SEZ6L: variants seen among roughly 807,000 people sequenced by gnomAD.
The protein encoded by SEZ6L is seizure related 6 homolog like, also known as seizure 6-like protein.
A neutral mutation model predicts 106.2 loss-of-function variants in SEZ6L; 37 were observed. The ratio of observed to expected loss-of-function variants is 0.35; its 90% CI spans 0.27 to 0.46. The LOEUF (loss-of-function observed/expected upper bound fraction) is 0.46, where lower values mean the gene tolerates loss of function less well. Among genes scored for constraint, SEZ6L ranks in the 20% least tolerant of loss-of-function variants. SEZ6L has a pLI of 1.00. For synonymous variants in SEZ6L, 541 were observed against 570.4 expected, an observed-to-expected ratio of 0.95 and a Z score of 0.73; for missense variants, 1,172 against 1,332.8, an observed-to-expected ratio of 0.88 and a Z score of 1.88.
chr22:26,325,822 A>G (rs1398664777), intron 9 of SEZ6L, among the ~76,000 whole-genome samples: 2 of 152,122 alleles, frequency 1.3e-5, no homozygotes, highest in Non-Finnish European at 2.9e-5. Context: ...GGCTTAGTAC[A>G]TTACACACAC....
intron 9 of SEZ6L, among the ~76,000 whole-genome samples, chr22:26,318,363 T>C (rs902103067): frequency 1.5e-4 from 23 of 151,262 alleles, no homozygotes; most frequent in African/African-American, 5.6e-4. Flanking sequence ...TGTGAGCCAC[T>C]GCCCCGGGCC....
At chr22:26,172,273 CTAT>C (rs2123756729) in intron 1 of SEZ6L, among the ~76,000 whole-genome samples, 1 of 152,264 alleles carries the variant, frequency 6.6e-6, no homozygotes, top group South Asian at 2.1e-4. Context: ...CACTTAAAGA[CTAT>C]TTTCATTATG....
At chr22:26,282,946 A>T (rs1056745348) in intron 1 of SEZ6L, among the ~76,000 whole-genome samples, 3 of 151,794 alleles carry the variant, frequency 2.0e-5, no homozygotes, top group African/African-American at 7.3e-5. Context: ...TTTGAGTTGG[A>T]GTCTCTCCCT....
At chr22:26,300,694 G>C (rs949768733) in intron 5 of SEZ6L, among the ~76,000 whole-genome samples, 2 of 152,182 alleles carry the variant, frequency 1.3e-5, no homozygotes, top group Non-Finnish European at 2.9e-5. Flanking sequence ...TGGGTCAAAT[G>C]GTATTTCTAG....
At chr22:26,202,728 T>A (rs906173526) in intron 1 of SEZ6L, among the ~76,000 whole-genome samples, 20 of 152,284 alleles carry the variant, frequency 1.3e-4, no homozygotes, top group African/African-American at 4.8e-4. Context: ...TGCTATTCAA[T>A]CACAACCACA....
intron 9 of SEZ6L, among the ~76,000 whole-genome samples, chr22:26,323,850 A>G (rs569799560): frequency 6.6e-6 from 1 of 152,244 alleles, no homozygotes; most frequent in Non-Finnish European, 1.5e-5. Context: ...GCCAGTCTTT[A>G]CATGCTTTTT....
intron 1 of SEZ6L, among the ~76,000 whole-genome samples, chr22:26,213,656 G>A (rs2145708269): frequency 6.6e-6 from 1 of 152,314 alleles, no homozygotes; most frequent in East Asian, 1.9e-4. Context: ...AGCTGGACTA[G>A]GCAAAATTCT....
chr22:26,216,017 C>T (rs565922867), intron 1 of SEZ6L, among the ~76,000 whole-genome samples: 24 of 152,280 alleles, frequency 1.6e-4, no homozygotes, highest in East Asian at 1.4e-3. Flanking sequence ...GGTGAAGCCA[C>T]GGAAATTGGA....
intron 11 of SEZ6L, among the ~76,000 whole-genome samples, chr22:26,350,086 C>A (rs968007125): frequency 6.6e-6 from 1 of 151,724 alleles, no homozygotes; most frequent in Non-Finnish European, 1.5e-5. Flanking sequence ...TGCAATGTTT[C>A]CTTTTTAAAA....
chr22:26,356,513 G>T (rs962013007), intron 12 of SEZ6L, among the ~76,000 whole-genome samples: 2 of 151,664 alleles, frequency 1.3e-5, no homozygotes, highest in African/African-American at 4.8e-5. Context: ...GTGGTGGCAC[G>T]TGCCTGTAAT....
chr22:26,291,956 T>A, intron 1 of SEZ6L, among the ~76,000 whole-genome samples: 1 of 143,182 alleles, frequency 7.0e-6, no homozygotes, highest in Non-Finnish European at 1.5e-5. Flanking sequence ...CCTGGCATGA[T>A]CAAGCCCAAG....
chr22:26,206,207 C>T (rs188510542), intron 1 of SEZ6L, among the ~76,000 whole-genome samples: 11 of 152,328 alleles, frequency 7.2e-5, no homozygotes, highest in Non-Finnish European at 1.6e-4. Flanking sequence ...ATAACCTCTT[C>T]ATTCTACTCC....
rs2081267921 is a variant in SEZ6L at position 26,295,242 on chromosome 22, C to T, written c.969+817C>T. ...CAGAGATCATTTGGCCACAGCCCAG[C>T]AGAGAGAGAGGGAGGAGAGAGAGAG... On this transcript the variant is annotated intron_variant, in intron 3 of 16. Transcript: ENST00000248933. Among the ~76,000 whole-genome samples the T allele has an allele frequency of 2.0e-5, 3 of 152,208 alleles. No individual in the cohort carries two copies. The South Asian group carries it at 6.2e-4, about 32-fold the overall frequency.
chr22:26,343,362 G>A (rs1001999392), intron 10 of SEZ6L, among the ~76,000 whole-genome samples: 7 of 151,796 alleles, frequency 4.6e-5, no homozygotes, highest in Non-Finnish European at 8.8e-5. Context: ...TCTATCCAAG[G>A]CTGGTCAAGG....
At chr22:26,330,030 T>G (rs1473532944) in intron 9 of SEZ6L, among the ~76,000 whole-genome samples, 1 of 152,270 alleles carries the variant, frequency 6.6e-6, no homozygotes, top group Non-Finnish European at 1.5e-5. Flanking sequence ...GGAAAGTCAC[T>G]TAATTCCTCT....
chr22:26,271,737 C>A (rs2145839984), intron 1 of SEZ6L, among the ~76,000 whole-genome samples: 1 of 152,360 alleles, frequency 6.6e-6, no homozygotes, highest in Non-Finnish European at 1.5e-5. Flanking sequence ...CCAGCAGATG[C>A]TGGCACCATG....
chr22:26,377,606 C>T (rs2084271900), intron 15 of SEZ6L, 67 bp from the exon 16 acceptor site: 1 of 1,312,116 alleles, frequency 7.6e-7, no homozygotes, highest in South Asian at 1.2e-5. Context: ...CCAACTGTTC[C>T]CGTTCAATAT....
At chr22:26,359,022 G>C (rs770703660) in intron 12 of SEZ6L, among the ~76,000 whole-genome samples, 5 of 152,180 alleles carry the variant, frequency 3.3e-5, no homozygotes, top group African/African-American at 4.8e-5. Context: ...CTAAGGTCCA[G>C]ACTGTTTATG....
intron 1 of SEZ6L, among the ~76,000 whole-genome samples, chr22:26,225,642 G>A (rs1029190334): frequency 1.3e-5 from 2 of 152,206 alleles, no homozygotes; most frequent in Non-Finnish European, 2.9e-5. Context: ...GGATGTGCTT[G>A]AGGAAAATTG....
Sources: allele counts gnomAD v4.1 joint callset (sites outside exome capture counted in the v4.1 genomes callset), GRCh38; gene constraint gnomAD v4.1.1; transcripts MANE v1.5; gene names NCBI Gene and HGNC (gene_info 2026-07-23, HGNC 2026-07-21).